CTDSPL: variants seen among roughly 807,000 people sequenced by gnomAD.
CTDSPL encodes CTD small phosphatase like, also known as CTD small phosphatase-like protein.
CTDSPL carries 8 observed loss-of-function variants against 30.5 expected under a neutral mutation model. The ratio of observed to expected loss-of-function variants is 0.26; its 90% CI spans 0.15 to 0.47. The LOEUF (loss-of-function observed/expected upper bound fraction) is 0.47. Ranked by LOEUF, CTDSPL falls within the 20% of genes least tolerant of loss-of-function variation. The pLI is 0.99. For synonymous variants in CTDSPL, 110 were observed against 137.9 expected, an observed-to-expected ratio of 0.80 and a Z score of 1.42; for missense variants, 248 against 366.1, an observed-to-expected ratio of 0.68 and a Z score of 2.63.
chr3:37,929,921 A>G (rs1698830184), intron 1 of CTDSPL, among the ~76,000 whole-genome samples: 1 of 152,130 alleles, frequency 6.6e-6, no homozygotes, highest in Middle Eastern at 3.2e-3. Flanking sequence ...TAGCCTGACC[A>G]ACATGATGAA....
intron 1 of CTDSPL, among the ~76,000 whole-genome samples, chr3:37,881,887 T>G (rs77609954): frequency 0.012 from 1,785 of 152,334 alleles, 35 homozygotes; most frequent in African/African-American, 0.04. Flanking sequence ...CTGTTGTATC[T>G]CTAATGTTTT....
intron 3 of CTDSPL, among the ~76,000 whole-genome samples, chr3:37,959,773 G>A (rs2125628287): frequency 6.6e-6 from 1 of 152,324 alleles, no homozygotes; most frequent in South Asian, 2.1e-4. Flanking sequence ...ATATTTTACA[G>A]TATTGGTACA....
intron 1 of CTDSPL, among the ~76,000 whole-genome samples, chr3:37,920,222 G>A (rs933154890): frequency 3.9e-5 from 6 of 152,314 alleles, no homozygotes; most frequent in African/African-American, 1.2e-4. Context: ...TTGAGGATAT[G>A]CTCAGATACT....
chr3:37,918,252 TAAAG>T (rs10603403), intron 1 of CTDSPL, among the ~76,000 whole-genome samples: 3,581 of 152,154 alleles, frequency 0.024, 138 homozygotes, highest in African/African-American at 0.081. Context: ...GCAACTTTAT[TAAAG>T]AACTCAAAAA....
At position 37,877,551 on chromosome 3, in the gene CTDSPL, CAT is replaced by C. The variant is rs566060751; in HGVS notation, c.79+15276_79+15277del. On this transcript the variant is annotated intron_variant, in intron 1 of 7. Transcript: ENST00000273179. ...TGTTTTCGTGATTGTGAATTATACT[CAT>C]ATGAACACAGGTGTTTGAGTCTCTG... Among the ~76,000 whole-genome samples, 44 of 152,298 alleles carry C rather than the reference CAT, an allele frequency of 2.9e-4. No homozygotes were observed. The East Asian group carries it at 7.9e-3, about 27-fold the overall frequency.
At chr3:37,886,770 T>C (rs1559624749) in intron 1 of CTDSPL, among the ~76,000 whole-genome samples, 1 of 152,224 alleles carries the variant, frequency 6.6e-6, no homozygotes, top group Non-Finnish European at 1.5e-5. Flanking sequence ...AAACAGTGGT[T>C]ATCAATATTT....
chr3:37,882,337 G>A (rs1163482270), intron 1 of CTDSPL, among the ~76,000 whole-genome samples: 1 of 151,808 alleles, frequency 6.6e-6, no homozygotes, highest in Non-Finnish European at 1.5e-5. Context: ...AGCTACTCGG[G>A]AGGCTGAGGC....
In CTDSPL at chr3:37,947,066, G is replaced by C. The variant is rs1435211986; in HGVS notation, c.89G>C (p.Cys30Ser). 1 of 1,613,504 alleles carries C rather than the reference G, an allele frequency of 6.2e-7. No individual in the cohort carries two copies. The change falls in exon 2 of 8, where the codon TGC (cysteine) becomes TCC (serine). Residue 30 changes from cysteine to serine, a missense_variant. Transcript: ENST00000273179. ...LPGAGEKASQ[C>S]NVSLKKQRSR... ...CTGTTTCTGTTTCCAGCCTCCCAGTGCAACGTCAGCTTAAAGAAGCAGAGG... is the reference window on the plus strand; with the variant it reads ...CTGTTTCTGTTTCCAGCCTCCCAGTCCAACGTCAGCTTAAAGAAGCAGAGG...
chr3:37,936,729 A>G (rs2125617852), intron 1 of CTDSPL, among the ~76,000 whole-genome samples: 1 of 148,184 alleles, frequency 6.7e-6, no homozygotes, highest in South Asian at 2.2e-4. Context: ...CAACTCTATG[A>G]TTTCTTTAAG....
chr3:37,974,247 T>C (rs946546588), intron 6 of CTDSPL, among the ~76,000 whole-genome samples: 1 of 152,188 alleles, frequency 6.6e-6, no homozygotes, highest in East Asian at 1.9e-4. Context: ...CTCACCTCCC[T>C]TGGCCAGTAG....
At chr3:37,901,247 C>A (rs1264837793) in intron 1 of CTDSPL, among the ~76,000 whole-genome samples, 1 of 152,134 alleles carries the variant, frequency 6.6e-6, no homozygotes, top group Non-Finnish European at 1.5e-5. Context: ...TGTGTATGCT[C>A]CAAAGGGACC....
At chr3:37,906,114 G>A (rs1042864468) in intron 1 of CTDSPL, among the ~76,000 whole-genome samples, 3 of 152,182 alleles carry the variant, frequency 2.0e-5, no homozygotes, top group African/African-American at 7.2e-5. Context: ...GTCCTACCCT[G>A]TGCCCTGGAA....
intron 1 of CTDSPL, among the ~76,000 whole-genome samples, chr3:37,942,891 G>T (rs1173483997): frequency 6.7e-6 from 1 of 150,242 alleles, no homozygotes; most frequent in African/African-American, 2.4e-5. Flanking sequence ...TTTCTAACTT[G>T]ATGGGCTTTA....
intron 7 of CTDSPL, among the ~76,000 whole-genome samples, chr3:37,979,355 C>T (rs1699464456): frequency 6.6e-6 from 1 of 151,430 alleles, no homozygotes; most frequent in South Asian, 2.1e-4. Flanking sequence ...GTAATCCTAG[C>T]ACTTTGGGAG....
At chr3:37,951,157 G>A (rs948208188) in intron 2 of CTDSPL, among the ~76,000 whole-genome samples, 13 of 151,468 alleles carry the variant, frequency 8.6e-5, no homozygotes, top group African/African-American at 3.2e-4. Context: ...CACGAGGTCA[G>A]GAGATCGAGA....
At chr3:37,865,752 G>T (rs1698001400) in intron 1 of CTDSPL, among the ~76,000 whole-genome samples, 1 of 152,086 alleles carries the variant, frequency 6.6e-6, no homozygotes, top group Non-Finnish European at 1.5e-5. Context: ...CACCTTTAGG[G>T]CTGGAAAAAG....
chr3:37,967,778 T>C (rs1271253747), intron 4 of CTDSPL, 48 bp from the exon 5 acceptor site: 24 of 1,400,824 alleles, frequency 1.7e-5, no homozygotes, highest in Non-Finnish European at 2.4e-5. Context: ...ATTTCCAGAG[T>C]TTTTTTGTTC....
intron 1 of CTDSPL, among the ~76,000 whole-genome samples, chr3:37,884,475 T>C (rs1698242200): frequency 6.6e-6 from 1 of 152,266 alleles, no homozygotes; most frequent in South Asian, 2.1e-4. Flanking sequence ...CTGTATTGTT[T>C]AAGATGTTTG....
intron 1 of CTDSPL, among the ~76,000 whole-genome samples, chr3:37,901,954 T>A (rs150738503): frequency 6.6e-6 from 1 of 152,294 alleles, no homozygotes; most frequent in Non-Finnish European, 1.5e-5. Flanking sequence ...ATCCTTGGTA[T>A]GTGGCTTTCA....
Sources: gnomAD v4.1 joint callset for allele counts (sites outside exome capture counted in the v4.1 genomes callset) on GRCh38, gnomAD v4.1.1 for gene constraint, MANE v1.5 for transcripts, NCBI Gene and HGNC (gene_info 2026-07-23, HGNC 2026-07-21) for gene names.